The following XIRP2 variants were observed in gnomAD, a reference collection of about 807,000 sequenced individuals.
The protein encoded by XIRP2 is xin actin-binding repeat-containing protein 2.
Under a neutral mutation model 277.0 loss-of-function variants are expected in XIRP2, and 236 were observed. The ratio of observed to expected loss-of-function variants is 0.85; its 90% CI spans 0.77 to 0.95. The LOEUF is 0.95. Among genes scored for constraint, XIRP2 ranks in the 40% least tolerant of loss-of-function variants. The pLI is 0.00. For synonymous variants in XIRP2, 1,490 were observed against 1,416.5 expected (o/e 1.05, Z -1.17); for missense variants, 4,640 against 4,157.5 (o/e 1.12, Z -3.19).
chr2:166,979,369 C>CTTTTTTTTTTTTTTTTTTTTTTTT (rs66909002), intron 2 of XIRP2, among the ~76,000 whole-genome samples: 1 of 108,524 alleles, frequency 9.2e-6, no homozygotes, highest in African/African-American at 3.4e-5. Context: ...CTTTTCTTTT[C>CTTTTTTTTTTTTTTTTTTTTTTTT]TTTTTTTTTT....
At chr2:167,106,110 C>T (rs1306024208) in intron 2 of XIRP2, among the ~76,000 whole-genome samples, 2 of 151,512 alleles carry the variant, frequency 1.3e-5, no homozygotes, top group Non-Finnish European at 3.0e-5. Context: ...AATATTTTCT[C>T]CACTTTGCTG....
At chr2:166,980,484 T>G (rs1335429806) in intron 2 of XIRP2, among the ~76,000 whole-genome samples, 1 of 152,164 alleles carries the variant, frequency 6.6e-6, no homozygotes, top group Admixed American at 6.5e-5. Context: ...TGGCACAATC[T>G]CAGCTCACTG....
chr2:167,168,534 C>A (rs1237320949), intron 3 of XIRP2, among the ~76,000 whole-genome samples: 1 of 152,206 alleles, frequency 6.6e-6, no homozygotes, highest in Non-Finnish European at 1.5e-5. Flanking sequence ...ATAAGTCCAT[C>A]AAAAACATTC....
intron 2 of XIRP2, among the ~76,000 whole-genome samples, chr2:167,092,021 T>C (rs1379307265): frequency 6.6e-6 from 1 of 152,118 alleles, no homozygotes; most frequent in Non-Finnish European, 1.5e-5. Flanking sequence ...AAGATCCAGG[T>C]GAAGAAGGGA....
chr2:167,108,048 C>T (rs1247455348), intron 2 of XIRP2, among the ~76,000 whole-genome samples: 1 of 151,660 alleles, frequency 6.6e-6, no homozygotes, highest in Non-Finnish European at 1.5e-5. Context: ...TGGAGTTATA[C>T]AAACTATTTC....
intron 2 of XIRP2, among the ~76,000 whole-genome samples, chr2:166,909,181 G>T (rs1276208939): frequency 6.6e-6 from 1 of 152,132 alleles, no homozygotes; most frequent in Non-Finnish European, 1.5e-5. Flanking sequence ...GATGGGGATG[G>T]CATTGAATCT....
chr2:167,236,752 A>T (rs1694911815), intron 5 of XIRP2, among the ~76,000 whole-genome samples: 1 of 152,086 alleles, frequency 6.6e-6, no homozygotes, highest in South Asian at 2.1e-4. Context: ...CTATATTTAA[A>T]TTTAATTTTC....
In XIRP2 at chr2:167,251,303, G is replaced by A. The variant is rs762492641; in HGVS notation, c.9911G>A (p.Arg3304His). The A allele has an allele frequency of 3.7e-6, 6 of 1,613,408 alleles. No individual in the cohort carries two copies. In the South Asian group the frequency reaches 5.5e-5, roughly 15 times the overall value. Residue 3304 changes from arginine to histidine, a missense_variant, in exon 9 of 11, where the codon CGC (arginine) becomes CAC (histidine). Physicochemically the swap from Arg to His is conservative, Grantham distance 29 (BLOSUM62 0). Transcript: ENST00000409195. ...ATCCGCAAGGTTGCAGTGCCTCCTC[G>A]CCTGTCAGAGCACACACAGAGATAT... ...EIIRKVAVPPRLSEHTQRYEA... is the reference protein window; with the variant it reads ...EIIRKVAVPPHLSEHTQRYEA...
intron 2 of XIRP2, among the ~76,000 whole-genome samples, chr2:167,046,332 C>T (rs1055133262): frequency 2.0e-5 from 3 of 151,950 alleles, no homozygotes; most frequent in Non-Finnish European, 4.4e-5. Context: ...ATGATGTTGA[C>T]TGTGCATTTG....
At position 167,251,762 on chromosome 2, in the gene XIRP2, C is replaced by T; in HGVS notation, c.10370C>T (p.Thr3457Ile). ...SGCDFKHAPP[T>I]YEDVIAGHIL... Reference sequence around the variant, plus strand: ...TGTGACTTCAAGCATGCCCCACCAACCTATGAGGATGTCATTGCTGGACAT... The same window carrying T: ...TGTGACTTCAAGCATGCCCCACCAATCTATGAGGATGTCATTGCTGGACAT... The change falls in exon 9 of 11, where the codon ACC (threonine) becomes ATC (isoleucine). Residue 3457 changes from threonine (T) to isoleucine (I), a missense_variant. Coordinates refer to ENST00000409195, the MANE Select transcript of XIRP2 (RefSeq NM_152381.6). The T allele has an allele frequency of 6.2e-7, 1 of 1,613,364 alleles. No individual in the cohort carries two copies. The highest frequency in any genetic ancestry group is 8.5e-7 in the Non-Finnish European group (1 of 1,179,594).
At chr2:167,009,814 A>C (rs1362902172) in intron 2 of XIRP2, among the ~76,000 whole-genome samples, 2 of 152,192 alleles carry the variant, frequency 1.3e-5, no homozygotes, top group Non-Finnish European at 2.9e-5. Context: ...TCTGATAGCC[A>C]GTGACGGTGA....
At chr2:167,065,502 CT>C (rs967871232) in intron 2 of XIRP2, among the ~76,000 whole-genome samples, 11 of 151,124 alleles carry the variant, frequency 7.3e-5, no homozygotes, top group East Asian at 1.9e-4. Flanking sequence ...GAAACACAAA[CT>C]TTTTTTTTAT....
intron 2 of XIRP2, among the ~76,000 whole-genome samples, chr2:166,924,489 G>A (rs1016748064): frequency 6.6e-6 from 1 of 151,352 alleles, no homozygotes; most frequent in Non-Finnish European, 1.5e-5. Flanking sequence ...AATTTTTTTT[G>A]AATTTTTTTC....
intron 2 of XIRP2, among the ~76,000 whole-genome samples, chr2:167,118,824 T>C (rs756951173): frequency 5.9e-5 from 9 of 152,108 alleles, no homozygotes; most frequent in Non-Finnish European, 1.2e-4. Context: ...ATGGAAGTCA[T>C]GAAGGTGAAA....
At chr2:167,103,042 G>A (rs537984957) in intron 2 of XIRP2, among the ~76,000 whole-genome samples, 1 of 152,276 alleles carries the variant, frequency 6.6e-6, no homozygotes, top group Admixed American at 6.5e-5. Context: ...GGAAAGCTGA[G>A]ATGGGAGGAT....
intron 5 of XIRP2, among the ~76,000 whole-genome samples, chr2:167,234,871 A>G (rs1050232055): frequency 2.0e-5 from 3 of 151,788 alleles, no homozygotes; most frequent in African/African-American, 4.8e-5. Flanking sequence ...ATTCAATGTC[A>G]TAGTAATTCT....
intron 2 of XIRP2, among the ~76,000 whole-genome samples, chr2:167,071,059 G>A (rs1049422700): frequency 1.3e-5 from 2 of 152,084 alleles, no homozygotes; most frequent in African/African-American, 4.8e-5. Context: ...CAAGTGTCAG[G>A]ACAACAGTTT....
chr2:167,208,808 A>G (rs1251328793), intron 3 of XIRP2, among the ~76,000 whole-genome samples: 2 of 152,266 alleles, frequency 1.3e-5, no homozygotes, highest in Non-Finnish European at 2.9e-5. Context: ...TCTTTTATGG[A>G]TAACACACAA....
chr2:166,950,926 T>G (rs547111034), intron 2 of XIRP2, among the ~76,000 whole-genome samples: 1 of 152,140 alleles, frequency 6.6e-6, no homozygotes, highest in East Asian at 1.9e-4. Context: ...CAGCACAGAA[T>G]AGACACTCAG....
Sources: gnomAD v4.1 joint callset for allele counts (sites outside exome capture counted in the v4.1 genomes callset) on GRCh38, gnomAD v4.1.1 for gene constraint, MANE v1.5 for transcripts, NCBI Gene and HGNC (gene_info 2026-07-23, HGNC 2026-07-21) for gene names.